The following KIR2DL4 variants were observed in gnomAD, a reference collection of about 807,000 sequenced individuals.
KIR2DL4 encodes the protein killer cell immunoglobulin-like receptor 2DL4.
Under a neutral mutation model 31.0 loss-of-function variants are expected in KIR2DL4, and 41 were observed. The ratio of observed to expected loss-of-function variants is 1.32; its 90% CI spans 1.03 to 1.72. KIR2DL4 has a LOEUF of 1.72. Among genes scored for constraint, KIR2DL4 ranks in the 40% most tolerant of loss-of-function variants. The pLI, the probability that KIR2DL4 is intolerant of heterozygous loss-of-function variation, is 0.00. For synonymous variants in KIR2DL4, 164 were observed against 133.6 expected (o/e 1.23, Z -1.57); for missense variants, 438 against 353.7 (o/e 1.24, Z -1.91).
chr19:54,814,228 T>G (rs2147997480), exon 8 of KIR2DL4: 1 of 1,180,348 alleles, frequency 8.5e-7, no homozygotes, highest in Non-Finnish European at 1.2e-6. Flanking sequence ...ACACACTCCT[T>G]TGCTTAGCCC....
chr19:54,811,353 G>T (rs1294892223), intron 5 of KIR2DL4, among the ~76,000 whole-genome samples: 1 of 151,208 alleles, frequency 6.6e-6, no homozygotes, highest in Admixed American at 6.6e-5. Flanking sequence ...AGCCAAGATC[G>T]CGTCATTGCA....
At position 54,813,214 on chromosome 19, in the gene KIR2DL4, T is replaced by A; in HGVS notation, c.796T>A (p.Cys266Ser). The A allele has an allele frequency of 5.3e-6, 8 of 1,523,522 alleles. 1 individual carries two copies. The South Asian group carries it at 8.2e-5, about 16-fold the overall frequency. 94.4% of individuals were successfully genotyped at this position (1,523,522 alleles called of 1,614,324 possible). A position where few individuals can be genotyped will look rare whatever the true frequency, so the allele number is the denominator to read the frequency against. Reference sequence around the variant, plus strand: ...TCCCTTCTTTCTCCTTCATCGCTGGTGCTCCAAAAAAAAAGTAAGCCTCAC... The same window carrying A: ...TCCCTTCTTTCTCCTTCATCGCTGGAGCTCCAAAAAAAAAGTAAGCCTCAC... The change falls in exon 6 of 8, where the codon TGC (cysteine) becomes AGC (serine). Residue 266 changes from cysteine (C) to serine (S), a missense_variant. Coordinates refer to ENST00000359085, the Ensembl canonical transcript of KIR2DL4.
chr19:54,805,999 G>T (rs537400112), exon 4 of KIR2DL4: 7 of 1,610,164 alleles, frequency 4.3e-6, no homozygotes, highest in Admixed American at 1.7e-5. Flanking sequence ...CCCACGGTTC[G>T]CGCAGGAGAG....
In KIR2DL4 at chr19:54,806,240, C is replaced by G. The variant is rs781227427; in HGVS notation, c.651C>G (p.Val217=). The G allele has an allele frequency of 5.3e-4, 847 of 1,609,530 alleles. 11 individuals carry two copies. Among genetic ancestry groups the G allele is most frequent in the Non-Finnish European group, 6.6e-4 (777 of 1,178,544 alleles). The change falls in exon 4 of 8, where the codon GTC becomes GTG. Residue 217 remains valine (V), a synonymous_variant. Transcript: ENST00000359085. ...CGAGTGACCCACTGCCTGTTTCTGT[C>G]ACAGGTGAGGAAAGCCAATGTCTGT... is the stretch of plus-strand genomic sequence containing the variant.
At chr19:54,805,362 G>A (rs1360429033) in intron 3 of KIR2DL4, among the ~76,000 whole-genome samples, 1 of 151,188 alleles carries the variant, frequency 6.6e-6, no homozygotes, top group Non-Finnish European at 1.5e-5. Flanking sequence ...AGATGGCCTG[G>A]ACTCTCCCAC....
chr19:54,812,817 T>C (rs2060941609), intron 5 of KIR2DL4, among the ~76,000 whole-genome samples: 1 of 138,336 alleles, frequency 7.2e-6, no homozygotes, highest in Non-Finnish European at 1.5e-5. Context: ...AATCTATTCA[T>C]GATGGATCCA....
At chr19:54,806,096 T>C in exon 4 of KIR2DL4, 1 of 1,612,134 alleles carries the variant, frequency 6.2e-7, no homozygotes. Context: ...TTAGGCTCCC[T>C]GCAGTGCCCA....
chr19:54,813,961 C>A lies in KIR2DL4; in HGVS notation c.*161C>A, dbSNP rs746721614. 36 of 1,612,262 alleles carry A rather than the reference C, an allele frequency of 2.2e-5. 3 individuals are homozygous for A. The South Asian group carries it at 2.8e-4, about 12-fold the overall frequency. ...GCAAGAGACCCTCAACAGATACCAG[C>A]GTGTGTATAGAACTTCCAAATGCTG... On this transcript the variant is annotated 3_prime_UTR_variant, in exon 8 of 8. Coordinates refer to ENST00000359085, the Ensembl canonical transcript of KIR2DL4.
At chr19:54,813,353 G>C (rs1194594242) in intron 6 of KIR2DL4, 1 of 1,469,854 alleles carries the variant, frequency 6.8e-7, no homozygotes, top group East Asian at 2.5e-5. Flanking sequence ...CAGAGGCAGA[G>C]CTTTCTAGAG....
chr19:54,808,465 C>A (rs780424686), intron 4 of KIR2DL4, among the ~76,000 whole-genome samples: 1 of 150,816 alleles, frequency 6.6e-6, no homozygotes, highest in Non-Finnish European at 1.5e-5. Flanking sequence ...CTGTCCTTTC[C>A]AGATTGTAGA....
rs548243607 is a variant in KIR2DL4 at position 54,810,707 on chromosome 19, T to G, written c.706+1824T>G. On this transcript the variant is annotated intron_variant, in intron 5 of 7. Transcript: ENST00000359085. ...AGAGCACACTGGGTACACAGGAAAC[T>G]AAGGAGCAACAAGGAGCGTGTGTTT... Among the ~76,000 whole-genome samples the G allele has an allele frequency of 1.9e-4, 28 of 151,056 alleles. 1 individual carries two copies. In the South Asian group the frequency reaches 2.8e-3, roughly 15 times the overall value.
rs538336951 is a variant in KIR2DL4, at chr19:54,805,109, T to A, written c.361+32T>A. ...GGGCTCCTGTCTGGGCTTCTCCTTG[T>A]CCCACCTCCTGAGTCCCAGAGCTTC... On this transcript the variant is annotated intron_variant, in intron 3 of 7. Transcript: ENST00000359085. The A allele has an allele frequency of 4.1e-3, 6,397 of 1,557,342 alleles. 94 individuals are homozygous for A. The highest frequency in any genetic ancestry group is 4.8e-3 in the Non-Finnish European group (5,552 of 1,156,540).
At chr19:54,813,994 A>C (rs2061052810) in exon 8 of KIR2DL4, 1 of 1,612,268 alleles carries the variant, frequency 6.2e-7, no homozygotes, top group East Asian at 2.2e-5. Flanking sequence ...CTGAGCCCAG[A>C]GCGTTGTCTC....
At chr19:54,811,984 G>T (rs2060891187) in intron 5 of KIR2DL4, among the ~76,000 whole-genome samples, 1 of 151,298 alleles carries the variant, frequency 6.6e-6, no homozygotes, top group Non-Finnish European at 1.5e-5. Context: ...CCTCACTTAT[G>T]TTGATTTCAA....
chr19:54,813,080 G>A, intron 5 of KIR2DL4: 1 of 1,347,194 alleles, frequency 7.4e-7, no homozygotes, highest in Non-Finnish European at 1.0e-6. Flanking sequence ...CCACAAAGAG[G>A]AACTGCTATG....
chr19:54,806,172 T>G, exon 4 of KIR2DL4: 2 of 1,611,758 alleles, frequency 1.2e-6, no homozygotes, highest in Non-Finnish European at 1.7e-6. Context: ...GACCTACAGA[T>G]GCTTCGGCTC....
exon 3 of KIR2DL4, chr19:54,804,808 C>T (rs1270704551): frequency 2.5e-5 from 40 of 1,612,014 alleles, no homozygotes; most frequent in South Asian, 2.3e-4. Context: ...CAGGACAAGC[C>T]CTTCTGCTCT....
chr19:54,806,402 C>G (rs984908895), intron 4 of KIR2DL4, among the ~76,000 whole-genome samples, 158 bp downstream of exon 4: 9 of 151,242 alleles, frequency 6.0e-5, no homozygotes, highest in Non-Finnish European at 1.3e-4. Flanking sequence ...CAGGGCACCT[C>G]CAAACCCTCC....
intron 2 of KIR2DL4, 152 bp downstream of exon 2, chr19:54,804,078 C>T (rs1321281615): frequency 5.1e-6 from 4 of 778,810 alleles, no homozygotes; most frequent in Non-Finnish European, 6.7e-6. Flanking sequence ...AGAGGAGATC[C>T]TGGGAGTCTC....
Sources: allele counts gnomAD v4.1 joint callset (sites outside exome capture counted in the v4.1 genomes callset), GRCh38; gene constraint gnomAD v4.1.1; transcripts MANE v1.5; gene names NCBI Gene and HGNC (gene_info 2026-07-23, HGNC 2026-07-21).